Variants in KLRG2 observed in about 807,000 individuals in gnomAD.
KLRG2 encodes killer cell lectin like receptor G2.
KLRG2 carries 39 observed loss-of-function variants against 35.4 expected under a neutral mutation model. The observed-to-expected ratio is 1.10, with a 90% CI of 0.85 to 1.44. The LOEUF (loss-of-function observed/expected upper bound fraction) is 1.44, where lower values mean the gene tolerates loss of function less well. Ranked by LOEUF, KLRG2 falls within the 40% of genes most tolerant of loss-of-function variation. The pLI, the probability that KLRG2 is intolerant of heterozygous loss-of-function variation, is 0.00. For missense variants in KLRG2, 632 were observed against 570.9 expected (o/e 1.11, Z -1.09); for synonymous variants, 283 against 265.8 (o/e 1.06, Z -0.63).
chr7:139,437,153 G>A, the KLRG2 span, among the ~76,000 whole-genome samples: 7 of 152,168 alleles, frequency 4.6e-5, no homozygotes, highest in African/African-American at 9.6e-5. Flanking sequence ...TTGGCCAGGC[G>A]CAGTGGCTCA....
At chr7:139,433,624 CCTTT>C in the KLRG2 span, among the ~76,000 whole-genome samples, 3 of 135,568 alleles carry the variant, frequency 2.2e-5, no homozygotes, top group Non-Finnish European at 4.5e-5. Flanking sequence ...CTGCGCCCGG[CCTTT>C]TTTTTTTTTT....
At chr7:139,466,229 C>T (rs1279975984) in intron 3 of KLRG2, among the ~76,000 whole-genome samples, 1 of 152,174 alleles carries the variant, frequency 6.6e-6, no homozygotes, top group Non-Finnish European at 1.5e-5. Flanking sequence ...GGTCAGAAAA[C>T]TAAAATACCT....
chr7:139,462,536 C>T (rs1377704860), intron 3 of KLRG2, among the ~76,000 whole-genome samples: 1 of 152,148 alleles, frequency 6.6e-6, no homozygotes, highest in Non-Finnish European at 1.5e-5. Flanking sequence ...CCTTCTTCTC[C>T]TTTAGCCTGT....
At chr7:139,429,268 T>G in the KLRG2 span, among the ~76,000 whole-genome samples, 1 of 152,200 alleles carries the variant, frequency 6.6e-6, no homozygotes, top group African/African-American at 2.4e-5. Flanking sequence ...ATTTTGCCAC[T>G]GCACTCCAGC....
chr7:139,456,268 C>T (rs985425035), intron 3 of KLRG2, among the ~76,000 whole-genome samples: 1 of 152,248 alleles, frequency 6.6e-6, no homozygotes, highest in Non-Finnish European at 1.5e-5. Context: ...TTTTAACGGA[C>T]ACTGGGCTGA....
chr7:139,427,677 A>G, the KLRG2 span, among the ~76,000 whole-genome samples: 3 of 152,308 alleles, frequency 2.0e-5, no homozygotes, highest in Admixed American at 6.5e-5. Context: ...CCCTATATCC[A>G]TATGAAGAGA....
chr7:139,473,322 G>T (rs1796792284), intron 3 of KLRG2, among the ~76,000 whole-genome samples: 1 of 151,922 alleles, frequency 6.6e-6, no homozygotes, highest in Non-Finnish European at 1.5e-5. Context: ...AATAAAAAGG[G>T]AAGGATATTT....
chr7:139,476,085 A>C (rs1486254774), intron 3 of KLRG2, among the ~76,000 whole-genome samples: 1 of 152,150 alleles, frequency 6.6e-6, no homozygotes, highest in Non-Finnish European at 1.5e-5. Context: ...GGTTAGAATA[A>C]AAGTTCTTTA....
chr7:139,433,307 TGTG>T, the KLRG2 span, among the ~76,000 whole-genome samples: 1 of 120,266 alleles, frequency 8.3e-6, no homozygotes, highest in Non-Finnish European at 1.6e-5. Context: ...ACCTGTGGTG[TGTG>T]GTTTTTTTTT....
chr7:139,468,584 C>T (rs902521446), intron 3 of KLRG2, among the ~76,000 whole-genome samples: 1 of 152,204 alleles, frequency 6.6e-6, no homozygotes, highest in African/African-American at 2.4e-5. Context: ...CGCCTGCACC[C>T]AGGTGAAATA....
At chr7:139,446,041 G>C in the KLRG2 span, among the ~76,000 whole-genome samples, 1 of 150,994 alleles carries the variant, frequency 6.6e-6, no homozygotes. Flanking sequence ...ATGTTAGCCA[G>C]GCTGTTAGCC....
At chr7:139,449,674 C>G (rs910667456), downstream of KLRG2, among the ~76,000 whole-genome samples, 1 of 144,114 alleles carries the variant, frequency 6.9e-6, no homozygotes, top group African/African-American at 2.5e-5. Flanking sequence ...AAAATATTTT[C>G]TTCCTCTATA....
rs1274799300 is a variant in KLRG2, at chr7:139,453,566, G to A, written c.*21C>T. 1 of 1,578,188 alleles carries A rather than the reference G, an allele frequency of 6.3e-7. No individual in the cohort carries two copies. Among genetic ancestry groups the A allele is most frequent in the Admixed American group, 1.8e-5 (1 of 54,316 alleles). On this transcript the variant is annotated 3_prime_UTR_variant, in exon 5 of 5. Transcript: ENST00000340940. ...GGGTGCTGCATCTGCCTGGCAGGCT[G>A]AGGACCAGGCAGAGCCCAGATCACT... is the stretch of plus-strand genomic sequence containing the variant.
chr7:139,437,621 T>A, the KLRG2 span, among the ~76,000 whole-genome samples: 1 of 151,980 alleles, frequency 6.6e-6, no homozygotes, highest in Non-Finnish European at 1.5e-5. Context: ...CACACATGGC[T>A]AATTTTTTGT....
At chr7:139,469,192 C>T (rs988735639) in intron 3 of KLRG2, among the ~76,000 whole-genome samples, 2 of 152,192 alleles carry the variant, frequency 1.3e-5, no homozygotes, top group African/African-American at 4.8e-5. Flanking sequence ...GATAGGGTCT[C>T]GCTGTCACCC....
At chr7:139,442,227 T>C in the KLRG2 span, among the ~76,000 whole-genome samples, 3 of 152,066 alleles carry the variant, frequency 2.0e-5, no homozygotes, top group Non-Finnish European at 4.4e-5. Flanking sequence ...ACAAGCCTTG[T>C]TTGAAGGAAG....
chr7:139,483,054 A>C lies in KLRG2; in HGVS notation c.589T>G (p.Cys197Gly). ...GGGCTGGCCCGGCCCTCTGCGTCGC[A>C]GCCGCTCTCCGTCCGGGCTGCAGCC... ...PLAAARTESG[C>G]DAEGRASPAE... Residue 197 changes from cysteine to glycine, a missense_variant, in exon 1 of 5, where the codon TGC (cysteine) becomes GGC (glycine). Cys to Gly is a radical substitution (Grantham distance 159, BLOSUM62 -3). Transcript: ENST00000340940. The C allele has an allele frequency of 7.3e-7, 1 of 1,377,626 alleles. No individual in the cohort carries two copies. The highest frequency in any genetic ancestry group is 9.3e-7 in the Non-Finnish European group (1 of 1,076,546). The allele number at this position is 1,377,626 out of a possible 1,614,324, so 85.3% of individuals were successfully genotyped here.
the KLRG2 span, among the ~76,000 whole-genome samples, chr7:139,429,386 C>T: frequency 0.36 from 52,279 of 143,544 alleles, 12,889 homozygotes; most frequent in African/African-American, 0.73. Flanking sequence ...TTTTCTTTTT[C>T]TTTTTTTTTT....
chr7:139,435,713 G>A, the KLRG2 span, among the ~76,000 whole-genome samples: 1 of 152,102 alleles, frequency 6.6e-6, no homozygotes, highest in East Asian at 1.9e-4. Flanking sequence ...CTTTCATGCC[G>A]ACTTCCTTCC....
Sources: allele counts gnomAD v4.1 joint callset (sites outside exome capture counted in the v4.1 genomes callset), GRCh38; gene constraint gnomAD v4.1.1; transcripts MANE v1.5; gene names NCBI Gene and HGNC (gene_info 2026-07-23, HGNC 2026-07-21).